CLVS1: variants seen among roughly 807,000 people sequenced by gnomAD.
CLVS1 encodes the protein clavesin 1.
Under a neutral mutation model 33.1 loss-of-function variants are expected in CLVS1, and 10 were observed. The observed-to-expected ratio is 0.30, with a 90% CI of 0.19 to 0.51. The LOEUF (loss-of-function observed/expected upper bound fraction) is 0.51, where lower values mean the gene tolerates loss of function less well. Ranked by LOEUF, CLVS1 falls within the 20% of genes least tolerant of loss-of-function variation. The pLI is 0.97. For synonymous variants in CLVS1, 163 were observed against 166.1 expected (o/e 0.98, Z 0.14); for missense variants, 343 against 433.4 (o/e 0.79, Z 1.85).
At chr8:61,237,037 G>T (rs945699779) in intron 2 of CLVS1, among the ~76,000 whole-genome samples, 1 of 152,174 alleles carries the variant, frequency 6.6e-6, no homozygotes, top group Admixed American at 6.5e-5. Flanking sequence ...AAGATAAATC[G>T]ATTGATTCTT....
chr8:61,388,059 G>A (rs976597890), intron 3 of CLVS1, among the ~76,000 whole-genome samples: 1 of 152,054 alleles, frequency 6.6e-6, no homozygotes, highest in East Asian at 1.9e-4. Flanking sequence ...CTTTTGACGA[G>A]TAAGGTACAT....
At chr8:61,292,816 CAA>C (rs1810044012) in intron 1 of CLVS1, among the ~76,000 whole-genome samples, 1 of 152,142 alleles carries the variant, frequency 6.6e-6, no homozygotes, top group Admixed American at 6.5e-5. Flanking sequence ...TGAGGAGGAA[CAA>C]AAATCTCATA....
At chr8:61,321,525 C>T (rs1173764431) in intron 2 of CLVS1, among the ~76,000 whole-genome samples, 1 of 151,678 alleles carries the variant, frequency 6.6e-6, no homozygotes, top group Non-Finnish European at 1.5e-5. Flanking sequence ...ATTTTGTTTT[C>T]TTGGAACATA....
At chr8:61,135,560 G>A (rs547970687) in intron 2 of CLVS1, among the ~76,000 whole-genome samples, 1 of 152,344 alleles carries the variant, frequency 6.6e-6, no homozygotes, top group East Asian at 1.9e-4. Flanking sequence ...GTAGGAATAA[G>A]AGCAAGAGAA....
At chr8:61,475,343 T>C (rs549608242) in intron 5 of CLVS1, among the ~76,000 whole-genome samples, 262 of 152,338 alleles carry the variant, frequency 1.7e-3, no homozygotes, top group African/African-American at 6.2e-3. Context: ...ATGGTATTTC[T>C]AGTTCTAGAT....
intron 2 of CLVS1, among the ~76,000 whole-genome samples, chr8:61,213,789 A>G (rs982925342): frequency 6.6e-6 from 1 of 152,210 alleles, no homozygotes; most frequent in Non-Finnish European, 1.5e-5. Flanking sequence ...AAAGAACAGG[A>G]TAACAGCAAT....
At chr8:61,262,698 T>C (rs1319809080) in intron 2 of CLVS1, among the ~76,000 whole-genome samples, 1 of 152,160 alleles carries the variant, frequency 6.6e-6, no homozygotes, top group Non-Finnish European at 1.5e-5. Flanking sequence ...TTGGATGAGT[T>C]TTCCCTTGAC....
At chr8:61,306,330 GTCT>G (rs1810625547) in intron 2 of CLVS1, among the ~76,000 whole-genome samples, 1 of 152,166 alleles carries the variant, frequency 6.6e-6, no homozygotes, top group African/African-American at 2.4e-5. Flanking sequence ...CCACATAAAT[GTCT>G]TCTTTTTAGA....
In CLVS1 at chr8:61,451,812, C is replaced by CACAGAGAGAG. The variant is rs375319471; in HGVS notation, c.631-2328_631-2327insCAGAGAGAGA. Among the ~76,000 whole-genome samples the CACAGAGAGAG allele has an allele frequency of 2.2e-4, 32 of 142,934 alleles. 1 individual carries two copies. The highest frequency in any genetic ancestry group is 7.3e-4 in the African/African-American group (28 of 38,226). 93.8% of individuals were successfully genotyped at this position (142,934 alleles called of 152,430 possible). A position where few individuals can be genotyped will look rare whatever the true frequency, so the allele number is the denominator to read the frequency against. Reference sequence around the variant, plus strand: ...CCTCTGTACAAAACACACACACACACAGAGAGAGAGAGAGAGAGAGAGAGA... The same window carrying CACAGAGAGAG: ...CCTCTGTACAAAACACACACACACACACAGAGAGAGAGAGAGAGAGAGAGAGAGAGAGAGA... On this transcript the variant is annotated intron_variant, in intron 3 of 5. Transcript: ENST00000325897.
the CLVS1 span, among the ~76,000 whole-genome samples, chr8:60,992,058 T>G: frequency 6.6e-6 from 1 of 152,146 alleles, no homozygotes; most frequent in Non-Finnish European, 1.5e-5. Flanking sequence ...TCCTGCTGCT[T>G]CTTTAGGTTC....
intron 5 of CLVS1, among the ~76,000 whole-genome samples, chr8:61,492,567 C>G (rs1029671929): frequency 3.3e-5 from 5 of 152,080 alleles, no homozygotes; most frequent in African/African-American, 1.2e-4. Flanking sequence ...AGTCAATGTC[C>G]AAGCCCACTG....
At chr8:61,076,019 T>C (rs576859069) in intron 1 of CLVS1, among the ~76,000 whole-genome samples, 11 of 152,250 alleles carry the variant, frequency 7.2e-5, no homozygotes, top group African/African-American at 2.7e-4. Context: ...TATCTCTCCC[T>C]GTGTCTATCT....
At chr8:60,966,328 T>G in the CLVS1 span, 1 of 454,862 alleles carries the variant, frequency 2.2e-6, no homozygotes, top group Non-Finnish European at 4.4e-6. Flanking sequence ...GCCTCTGCCT[T>G]TTTGTCTTCT....
intron 2 of CLVS1, among the ~76,000 whole-genome samples, chr8:61,264,037 C>T (rs909594473): frequency 2.0e-5 from 3 of 152,054 alleles, no homozygotes; most frequent in African/African-American, 4.8e-5. Context: ...TTTCAGTGGA[C>T]TTTCAAAAAT....
intron 5 of CLVS1, among the ~76,000 whole-genome samples, chr8:61,487,248 C>G (rs1803919306): frequency 6.6e-6 from 1 of 152,062 alleles, no homozygotes; most frequent in Non-Finnish European, 1.5e-5. Flanking sequence ...TGGACTTGTT[C>G]TGGGGGTTCT....
intron 1 of CLVS1, among the ~76,000 whole-genome samples, chr8:61,099,785 A>G (rs1805416575): frequency 1.3e-5 from 2 of 152,236 alleles, no homozygotes; most frequent in South Asian, 4.1e-4. Context: ...TAATGTGGGC[A>G]AACTAATATT....
chr8:61,227,714 G>C (rs998045533), intron 2 of CLVS1, among the ~76,000 whole-genome samples: 9 of 152,146 alleles, frequency 5.9e-5, no homozygotes, highest in Admixed American at 2.0e-4. Context: ...TGCAAAAGAA[G>C]GAGTGTCATT....
At chr8:61,027,993 C>T in the CLVS1 span, among the ~76,000 whole-genome samples, 4 of 151,916 alleles carry the variant, frequency 2.6e-5, no homozygotes, top group Admixed American at 1.3e-4. Flanking sequence ...GAAAAGATCC[C>T]GATGTTTTTC....
chr8:60,996,694 C>G, the CLVS1 span, among the ~76,000 whole-genome samples: 1 of 152,124 alleles, frequency 6.6e-6, no homozygotes, highest in African/African-American at 2.4e-5. Context: ...TCTGGTGGCT[C>G]TCTGTCACTC....
Sources: allele counts gnomAD v4.1 joint callset (sites outside exome capture counted in the v4.1 genomes callset), GRCh38; gene constraint gnomAD v4.1.1; transcripts MANE v1.5; gene names NCBI Gene and HGNC (gene_info 2026-07-23, HGNC 2026-07-21).